The following CFAP251 variants were observed in gnomAD, a reference collection of about 807,000 sequenced individuals.
CFAP251 encodes the protein cilia- and flagella-associated protein 251.
A neutral mutation model predicts 126.7 loss-of-function variants in CFAP251; 93 were observed. The ratio of observed to expected loss-of-function variants is 0.73; its 90% CI spans 0.62 to 0.87. CFAP251 has a LOEUF of 0.87. CFAP251 is among the 40% of genes least tolerant of loss of function. The probability of loss-of-function intolerance (pLI) is 0.00; values close to 1 mark genes in which losing one functional copy is unlikely to be tolerated. For missense variants in CFAP251, 1,287 were observed against 1,389.2 expected (o/e 0.93, Z 1.17); for synonymous variants, 503 against 506.9 (o/e 0.99, Z 0.10).
At chr12:121,938,827 C>A (rs1003196298) in intron 5 of CFAP251, among the ~76,000 whole-genome samples, 1 of 150,980 alleles carries the variant, frequency 6.6e-6, no homozygotes, top group African/African-American at 2.4e-5. Flanking sequence ...TACAAAAATA[C>A]AAAATACAAA....
intron 5 of CFAP251, among the ~76,000 whole-genome samples, chr12:121,936,297 G>A (rs1880892500): frequency 6.6e-6 from 1 of 152,140 alleles, no homozygotes; most frequent in Non-Finnish European, 1.5e-5. Flanking sequence ...AAAATTAAAA[G>A]TTAGCCACAT....
chr12:121,994,304 G>A lies in CFAP251; in HGVS notation c.3007-5412G>A, dbSNP rs1295166770. On this transcript the variant is annotated intron_variant, in intron 19 of 21. Coordinates refer to ENST00000288912, the MANE Select transcript of CFAP251 (RefSeq NM_144668.6). ...GGTGGGGGGGTCAGCCCCCCCGCTC[G>A]GCCAGCCGCCCCGTCCGGGAGGGAG... Among the ~76,000 whole-genome samples the A allele has an allele frequency of 3.6e-5, 2 of 56,024 alleles. 1 individual carries two copies. Among genetic ancestry groups the A allele is most frequent in the Non-Finnish European group, 7.6e-5 (2 of 26,188 alleles). 36.8% of individuals were successfully genotyped at this position (56,024 alleles called of 152,430 possible).
At position 121,988,100 on chromosome 12, in the gene CFAP251, ATTTTAAATAT is replaced by A. The variant is rs960351634; in HGVS notation, c.3007-11598_3007-11589del. On this transcript the variant is annotated intron_variant, in intron 19 of 21. Transcript: ENST00000288912. ...ATGGTGGAAGATATATTTTAAAAAT[ATTTTAAATAT>A]TTTTAAATATTTTTAAAAATATTTC... Among the ~76,000 whole-genome samples, 16 of 152,062 alleles carry A rather than the reference ATTTTAAATAT, an allele frequency of 1.1e-4. 1 individual carries two copies. The highest frequency in any genetic ancestry group is 4.1e-4 in the South Asian group (2 of 4,828).
intron 13 of CFAP251, among the ~76,000 whole-genome samples, 192 bp from the exon 14 acceptor site, chr12:121,960,392 AT>A (rs1437694862): frequency 6.6e-6 from 1 of 151,934 alleles, no homozygotes; most frequent in Non-Finnish European, 1.5e-5. Context: ...TAATTTTTGT[AT>A]TTTTAGTAGA....
At chr12:121,977,798 A>G (rs1219877652) in intron 19 of CFAP251, among the ~76,000 whole-genome samples, 1 of 149,696 alleles carries the variant, frequency 6.7e-6, no homozygotes, top group Non-Finnish European at 1.5e-5. Flanking sequence ...TATGAAAAAT[A>G]CAAAAAAAAA....
intron 3 of CFAP251, among the ~76,000 whole-genome samples, chr12:121,928,391 G>A (rs1299788145): frequency 1.3e-5 from 2 of 151,840 alleles, no homozygotes; most frequent in African/African-American, 4.8e-5. Context: ...ATGGAAACAG[G>A]AGAGGATGGG....
intron 17 of CFAP251, chr12:121,971,735 A>T: frequency 7.7e-6 from 5 of 647,146 alleles, no homozygotes; most frequent in Non-Finnish European, 1.4e-5. Flanking sequence ...AAAATAAAGG[A>T]CTTTTGTCTC....
In CFAP251 at chr12:121,928,704, A is replaced by ACGTATATATATATATTT. The variant is rs1880554857; in HGVS notation, c.748-3042_748-3041insCGTATATATATATATTT. On this transcript the variant is annotated intron_variant, in intron 3 of 21. Transcript: ENST00000288912. ...TATATATATACGTATATATATATAT[A>ACGTATATATATATATTT]TTTTTTTTTTGAGACAGGGTCTTGC... Among the ~76,000 whole-genome samples, 26 of 60,344 alleles carry ACGTATATATATATATTT rather than the reference A, an allele frequency of 4.3e-4. 2 individuals carry two copies. In the East Asian group the frequency reaches 4.9e-3, roughly 11 times the overall value. 39.6% of individuals were successfully genotyped at this position (60,344 alleles called of 152,430 possible).
intron 19 of CFAP251, among the ~76,000 whole-genome samples, chr12:121,977,941 A>G (rs1396260771): frequency 1.3e-5 from 2 of 151,758 alleles, no homozygotes; most frequent in Non-Finnish European, 2.9e-5. Context: ...CCTGGGTGAC[A>G]GAGCGAGACT....
At chr12:121,962,324 C>G (rs997382621) in intron 15 of CFAP251, among the ~76,000 whole-genome samples, 162 bp downstream of exon 15, 3 of 152,160 alleles carry the variant, frequency 2.0e-5, no homozygotes, top group Admixed American at 6.5e-5. Flanking sequence ...GTAAGTAATT[C>G]TCACCAAGGT....
intron 19 of CFAP251, among the ~76,000 whole-genome samples, chr12:121,994,826 G>GCCTT (rs1882987143): frequency 7.8e-6 from 1 of 127,846 alleles, no homozygotes; most frequent in South Asian, 2.9e-4. Context: ...ACTGCGGAAG[G>GCCTT]CCGCAGGGTC....
rs775708060 is a variant in CFAP251, at chr12:122,001,567, GA to G, written c.3309del (p.Lys1103AsnfsTer36). 1.4e-5 allele frequency: 22 copies of G among 1,613,992 alleles called. No homozygotes were observed. The highest frequency in any genetic ancestry group is 1.9e-5 in the Non-Finnish European group (22 of 1,180,034). Reference protein sequence around the residue: ...SLFGLNPEGWKSEPATCSVKG... With the variant: ...SLFGLNPEGWXSEPATCSVKG... ...TGTTTGGCCTGAATCCCGAGGGATG[GA>G]AATCCGAGCCTGCAACCTGCTCCGT... On this transcript the variant is annotated frameshift_variant, in exon 21 of 22. Transcript: ENST00000288912. LOFTEE classifies it high-confidence loss of function.
Position 121,968,069 on chromosome 12 carries a change from C to T in CFAP251, c.2671C>T (p.Pro891Ser), listed in dbSNP as rs1440018892. The T allele has an allele frequency of 1.2e-6, 2 of 1,613,508 alleles. No individual in the cohort carries two copies. The highest frequency in any genetic ancestry group is 1.3e-5 in the African/African-American group (1 of 74,922). ...TAAGACATCTGCTATTGTTTGCCACCCGAACGGGGTGGCCGGCATGGCCGT... is the reference window on the plus strand; with the variant it reads ...TAAGACATCTGCTATTGTTTGCCACTCGAACGGGGTGGCCGGCATGGCCGT... ...PHKTSAIVCHPNGVAGMAVSY... is the reference protein window; with the variant it reads ...PHKTSAIVCHSNGVAGMAVSY... The change falls in exon 17 of 22, where the codon CCG becomes TCG. Residue 891 changes from proline to serine, a missense_variant. Physicochemically the swap from Pro to Ser is moderately conservative, Grantham distance 74. Coordinates refer to ENST00000288912, the MANE Select transcript of CFAP251 (RefSeq NM_144668.6).
chr12:122,002,683 T>C (rs1048164371), intron 21 of CFAP251, among the ~76,000 whole-genome samples: 3 of 152,182 alleles, frequency 2.0e-5, no homozygotes, highest in Admixed American at 1.3e-4. Context: ...ATAGCCTAAG[T>C]ATTTTTCACC....
chr12:121,962,739 G>A (rs926337948), intron 15 of CFAP251, among the ~76,000 whole-genome samples: 1 of 150,540 alleles, frequency 6.6e-6, no homozygotes, highest in Non-Finnish European at 1.5e-5. Context: ...GGATAAAAAG[G>A]TGGGGAGGCA....
intron 3 of CFAP251, among the ~76,000 whole-genome samples, chr12:121,925,970 G>A (rs765141485): frequency 2.0e-5 from 3 of 150,418 alleles, no homozygotes; most frequent in African/African-American, 4.9e-5. Flanking sequence ...TCAGCCTCCC[G>A]AGTAGCTGGG....
chr12:121,992,796 A>T (rs2135813409), intron 19 of CFAP251, among the ~76,000 whole-genome samples: 1 of 152,178 alleles, frequency 6.6e-6, no homozygotes, highest in African/African-American at 2.4e-5. Context: ...GGCTGTCTCA[A>T]GCTCCTAAAA....
chr12:121,970,373 C>T (rs1158263752), intron 17 of CFAP251, among the ~76,000 whole-genome samples: 1 of 152,176 alleles, frequency 6.6e-6, no homozygotes, highest in Non-Finnish European at 1.5e-5. Flanking sequence ...CAGAGAGACC[C>T]CGATTCGAAT....
chr12:121,921,818 C>T (rs1033974902), intron 2 of CFAP251, 135 bp downstream of exon 2: 81 of 920,244 alleles, frequency 8.8e-5, no homozygotes, highest in Non-Finnish European at 1.1e-4. Flanking sequence ...GAGACAGAGT[C>T]TCACTGTTGC....
Sources: allele counts gnomAD v4.1 joint callset (sites outside exome capture counted in the v4.1 genomes callset), GRCh38; gene constraint gnomAD v4.1.1; transcripts MANE v1.5; gene names NCBI Gene and HGNC (gene_info 2026-07-23, HGNC 2026-07-21).